Variants in SEMA3E observed in about 807,000 individuals in gnomAD.
The protein encoded by SEMA3E is semaphorin 3E.
Under a neutral mutation model 93.6 loss-of-function variants are expected in SEMA3E, and 49 were observed. That is an observed-to-expected ratio of 0.52 (90% CI 0.42 to 0.66). SEMA3E has a LOEUF of 0.66. Ranked by LOEUF, SEMA3E falls within the 30% of genes least tolerant of loss-of-function variation. The probability of loss-of-function intolerance (pLI) is 0.00; values close to 1 mark genes in which losing one functional copy is unlikely to be tolerated. For missense variants in SEMA3E, 906 were observed against 964.8 expected, an observed-to-expected ratio of 0.94 and a Z score of 0.81; for synonymous variants, 363 against 330.7, an observed-to-expected ratio of 1.10 and a Z score of -1.06.
At chr7:83,566,517 T>C (rs903517308) in intron 1 of SEMA3E, among the ~76,000 whole-genome samples, 3 of 152,182 alleles carry the variant, frequency 2.0e-5, no homozygotes, top group Non-Finnish European at 4.4e-5. Flanking sequence ...ATATGGTATT[T>C]GGCTTTTTTT....
chr7:83,567,523 C>A (rs564523411), intron 1 of SEMA3E, among the ~76,000 whole-genome samples: 9 of 151,984 alleles, frequency 5.9e-5, no homozygotes, highest in African/African-American at 1.4e-4. Flanking sequence ...CAAGTTTCAA[C>A]AAATTTTCTT....
chr7:83,637,217 A>C (rs899319241), intron 1 of SEMA3E, among the ~76,000 whole-genome samples: 1 of 152,148 alleles, frequency 6.6e-6, no homozygotes, highest in African/African-American at 2.4e-5. Flanking sequence ...CATTATTATT[A>C]ATTAAAATTC....
At position 83,452,613 on chromosome 7, in the gene SEMA3E, G is replaced by A. The variant is rs146921354; in HGVS notation, c.456+13869C>T. Among the ~76,000 whole-genome samples the A allele has an allele frequency of 9.9e-4, 150 of 152,256 alleles. 1 individual carries two copies. The highest frequency in any genetic ancestry group is 2.6e-3 in the Admixed American group (40 of 15,298). Reference sequence around the variant, plus strand: ...ATCCATAAGTGACATTTGTCAAGAAGTCTACCTTTCTAATAGCTTTCTTAT... The same window carrying A: ...ATCCATAAGTGACATTTGTCAAGAAATCTACCTTTCTAATAGCTTTCTTAT... On this transcript the variant is annotated intron_variant, in intron 4 of 16. Transcript: ENST00000643230.
intron 5 of SEMA3E, among the ~76,000 whole-genome samples, chr7:83,415,859 C>G (rs1459612810): frequency 6.6e-6 from 1 of 151,956 alleles, no homozygotes; most frequent in East Asian, 1.9e-4. Flanking sequence ...TAAGAAGTAG[C>G]AATAATCTAA....
At chr7:83,513,771 A>T (rs1790873088) in intron 1 of SEMA3E, among the ~76,000 whole-genome samples, 2 of 152,184 alleles carry the variant, frequency 1.3e-5, no homozygotes, top group South Asian at 2.1e-4. Flanking sequence ...AAATATTAAT[A>T]AATTATATAT....
chr7:83,419,252 T>C (rs1212723257), intron 4 of SEMA3E, among the ~76,000 whole-genome samples: 1 of 152,216 alleles, frequency 6.6e-6, no homozygotes, highest in Non-Finnish European at 1.5e-5. Flanking sequence ...GGCTGTGTAG[T>C]ATTCCACTGT....
At chr7:83,417,851 G>T (rs754083654) in intron 5 of SEMA3E, among the ~76,000 whole-genome samples, 7 of 152,022 alleles carry the variant, frequency 4.6e-5, no homozygotes, top group Middle Eastern at 3.2e-3. Flanking sequence ...CATTATTTCC[G>T]TATGTACATT....
intron 1 of SEMA3E, among the ~76,000 whole-genome samples, chr7:83,559,559 A>G (rs774607570): frequency 3.3e-5 from 5 of 151,994 alleles, no homozygotes; most frequent in Non-Finnish European, 7.4e-5. Context: ...AATCCAGAGT[A>G]CTGACAATAT....
intron 3 of SEMA3E, among the ~76,000 whole-genome samples, chr7:83,467,209 C>A (rs979048102): frequency 5.9e-5 from 9 of 152,036 alleles, no homozygotes; most frequent in Admixed American, 4.6e-4. Context: ...CAACTACAGG[C>A]ATGTGCCACC....
At chr7:83,542,926 G>A (rs942331112) in intron 1 of SEMA3E, among the ~76,000 whole-genome samples, 1 of 152,088 alleles carries the variant, frequency 6.6e-6, no homozygotes, top group Non-Finnish European at 1.5e-5. Context: ...AGATAGTAGA[G>A]AATTTTAAAC....
intron 1 of SEMA3E, among the ~76,000 whole-genome samples, chr7:83,610,264 T>C (rs1226777947): frequency 6.6e-6 from 1 of 152,092 alleles, no homozygotes; most frequent in Admixed American, 6.6e-5. Flanking sequence ...TCTGATATAA[T>C]GAATATACAG....
intron 4 of SEMA3E, among the ~76,000 whole-genome samples, chr7:83,425,443 A>G (rs1239210956): frequency 6.6e-6 from 1 of 152,000 alleles, no homozygotes; most frequent in Non-Finnish European, 1.5e-5. Context: ...TGATTTTAAC[A>G]CCAGCCTCCT....
intron 1 of SEMA3E, among the ~76,000 whole-genome samples, chr7:83,510,347 G>A (rs892087633): frequency 6.6e-6 from 1 of 152,024 alleles, no homozygotes; most frequent in East Asian, 1.9e-4. Context: ...ATTTCTTTTG[G>A]TCTATATCTT....
chr7:83,418,812 T>C (rs1285093544), intron 4 of SEMA3E, among the ~76,000 whole-genome samples: 1 of 152,152 alleles, frequency 6.6e-6, no homozygotes, highest in Non-Finnish European at 1.5e-5. Flanking sequence ...TGGAAAAAGG[T>C]TAATGAAAAG....
chr7:83,390,366 T>C (rs1377638977), intron 14 of SEMA3E, among the ~76,000 whole-genome samples: 1 of 151,992 alleles, frequency 6.6e-6, no homozygotes, highest in Non-Finnish European at 1.5e-5. Context: ...ATTATTCTTA[T>C]ATCTCTAGTC....
chr7:83,564,806 A>G (rs976523086), intron 1 of SEMA3E, among the ~76,000 whole-genome samples: 5 of 152,238 alleles, frequency 3.3e-5, no homozygotes, highest in African/African-American at 1.2e-4. Flanking sequence ...AAAAAAGGAT[A>G]CAAATAATTT....
chr7:83,405,492 T>A lies in SEMA3E; in HGVS notation c.956A>T (p.Asp319Val). 1 of 1,613,058 alleles carries A rather than the reference T, an allele frequency of 6.2e-7. No homozygotes were observed. Among genetic ancestry groups the A allele is most frequent in the South Asian group, 1.1e-5 (1 of 91,062 alleles). Residue 319 changes from aspartate (D) to valine (V), a missense_variant, in exon 9 of 17, where the codon GAT becomes GTT. Transcript: ENST00000643230. ...LEDVFLLPTR[D>V]HKNPVIFGLF... ...TCCAAATATCACTGGATTCTTATGA[T>A]CTCTGGTAGGTAGCAAAAAAACGTC...
chr7:83,496,762 G>A (rs1222946141), intron 1 of SEMA3E, among the ~76,000 whole-genome samples: 6 of 151,934 alleles, frequency 3.9e-5, no homozygotes, highest in African/African-American at 7.3e-5. Context: ...CCCTGGACTT[G>A]GCATATTTAC....
intron 1 of SEMA3E, among the ~76,000 whole-genome samples, chr7:83,510,058 C>T (rs948796955): frequency 6.6e-6 from 1 of 152,092 alleles, no homozygotes; most frequent in African/African-American, 2.4e-5. Context: ...TTGACTATTA[C>T]ATCAACATAT....
Sources: gnomAD v4.1 joint callset for allele counts (sites outside exome capture counted in the v4.1 genomes callset) on GRCh38, gnomAD v4.1.1 for gene constraint, MANE v1.5 for transcripts, NCBI Gene and HGNC (gene_info 2026-07-23, HGNC 2026-07-21) for gene names.